FOXP2: variants seen among roughly 807,000 people sequenced by gnomAD.
FOXP2 encodes the protein forkhead box P2.
A neutral mutation model predicts 115.8 loss-of-function variants in FOXP2; 12 were observed. That is an observed-to-expected ratio of 0.10 (90% CI 0.07 to 0.17). FOXP2 has a LOEUF of 0.17. Among genes scored for constraint, FOXP2 ranks in the 10% least tolerant of loss-of-function variants. FOXP2 has a pLI of 1.00. For missense variants in FOXP2, 629 were observed against 843.5 expected (o/e 0.75, Z 3.15); for synonymous variants, 328 against 297.7 (o/e 1.10, Z -1.05).
chr7:114,213,907 A>T (rs1263360992), intron 1 of FOXP2, among the ~76,000 whole-genome samples: 1 of 152,222 alleles, frequency 6.6e-6, no homozygotes, highest in Admixed American at 6.5e-5. Flanking sequence ...CAGATTTAGT[A>T]AAGATATGCT....
intron 2 of FOXP2, among the ~76,000 whole-genome samples, chr7:114,385,669 A>T (rs529858515): frequency 2.6e-5 from 4 of 152,348 alleles, no homozygotes; most frequent in African/African-American, 9.6e-5. Flanking sequence ...ACTGGCCAAC[A>T]GATGCCCAGT....
intron 6 of FOXP2, among the ~76,000 whole-genome samples, chr7:114,641,712 A>G (rs1015404124): frequency 6.6e-6 from 1 of 151,990 alleles, no homozygotes; most frequent in African/African-American, 2.4e-5. Context: ...TGATTTAAAA[A>G]CAAACCTTAA....
chr7:114,168,229 A>G (rs1205098193), intron 1 of FOXP2, among the ~76,000 whole-genome samples: 1 of 152,234 alleles, frequency 6.6e-6, no homozygotes. Flanking sequence ...ACTGGGTAAC[A>G]GGCAGAGGTT....
At chr7:114,385,282 A>G (rs1169238740) in intron 2 of FOXP2, among the ~76,000 whole-genome samples, 1 of 152,100 alleles carries the variant, frequency 6.6e-6, no homozygotes, top group East Asian at 1.9e-4. Flanking sequence ...GAAAGTCTGA[A>G]CCATTAGTAC....
intron 2 of FOXP2, among the ~76,000 whole-genome samples, chr7:114,301,149 G>A (rs1796870521): frequency 6.6e-6 from 1 of 151,918 alleles, no homozygotes; most frequent in South Asian, 2.1e-4. Context: ...AATTTTAACA[G>A]CCAAAAAGAG....
chr7:114,245,079 T>C (rs888586532), intron 1 of FOXP2, among the ~76,000 whole-genome samples: 1 of 152,230 alleles, frequency 6.6e-6, no homozygotes. Flanking sequence ...TTTCTTTATA[T>C]ATACATTCTA....
intron 3 of FOXP2, among the ~76,000 whole-genome samples, chr7:114,606,547 A>G (rs1381207361): frequency 6.6e-6 from 1 of 152,192 alleles, no homozygotes; most frequent in Admixed American, 6.5e-5. Flanking sequence ...AACTTTATAT[A>G]ACTAGTTTTT....
At chr7:114,258,072 G>C (rs1008048400) in intron 1 of FOXP2, among the ~76,000 whole-genome samples, 1 of 152,150 alleles carries the variant, frequency 6.6e-6, no homozygotes, top group East Asian at 1.9e-4. Context: ...TCTTGTTTCT[G>C]TTTTAACATA....
intron 2 of FOXP2, among the ~76,000 whole-genome samples, chr7:114,480,308 AT>A (rs1330345473): frequency 6.6e-6 from 1 of 151,568 alleles, no homozygotes; most frequent in African/African-American, 2.4e-5. Flanking sequence ...ATCCAATTAC[AT>A]TTTTAAAGAG....
intron 2 of FOXP2, among the ~76,000 whole-genome samples, chr7:114,473,484 G>A (rs1330835612): frequency 6.6e-6 from 1 of 152,146 alleles, no homozygotes; most frequent in African/African-American, 2.4e-5. Flanking sequence ...GTGTAAGTAT[G>A]GTAGATTCAA....
chr7:114,328,788 A>G (rs999597342), intron 2 of FOXP2, among the ~76,000 whole-genome samples: 2 of 152,190 alleles, frequency 1.3e-5, no homozygotes, highest in African/African-American at 4.8e-5. Context: ...ACTGCCCATT[A>G]AAGTCCATAT....
At chr7:114,226,741 T>A (rs1444409539) in intron 1 of FOXP2, among the ~76,000 whole-genome samples, 1 of 152,154 alleles carries the variant, frequency 6.6e-6, no homozygotes, top group African/African-American at 2.4e-5. Context: ...ATATCATTAT[T>A]ATGTCTTTCT....
At chr7:114,635,434 G>GA (rs949813494) in intron 6 of FOXP2, among the ~76,000 whole-genome samples, 3 of 152,040 alleles carry the variant, frequency 2.0e-5, no homozygotes, top group Admixed American at 6.6e-5. Flanking sequence ...GTAACTTGGG[G>GA]AAAAAATCTT....
chr7:114,609,401 C>T lies in FOXP2; in HGVS notation c.259-19139C>T, dbSNP rs189333367. 4.6e-5 allele frequency among the ~76,000 whole-genome samples: 7 copies of T among 152,068 alleles called. No homozygotes were observed. The East Asian group carries it at 1.4e-3, about 29-fold the overall frequency. ...AAAACATTTAAAAAACTCCTACTGT[C>T]AATTATAAGTGTATAAAGAAATGAG... On this transcript the variant is annotated intron_variant, in intron 3 of 16. Coordinates refer to ENST00000350908, the MANE Select transcript of FOXP2 (RefSeq NM_014491.4).
intron 2 of FOXP2, among the ~76,000 whole-genome samples, chr7:114,359,381 A>C (rs1791692068): frequency 6.6e-6 from 1 of 152,228 alleles, no homozygotes; most frequent in South Asian, 2.1e-4. Context: ...GGAGCACAAA[A>C]GGGAAATGTG....
At chr7:114,335,743 G>A (rs1419831745) in intron 2 of FOXP2, among the ~76,000 whole-genome samples, 2 of 151,736 alleles carry the variant, frequency 1.3e-5, no homozygotes, top group African/African-American at 2.4e-5. Context: ...AAATGTAAAT[G>A]TTAAATGGTG....
chr7:114,438,305 G>A (rs1794442751), intron 2 of FOXP2, among the ~76,000 whole-genome samples: 1 of 152,032 alleles, frequency 6.6e-6, no homozygotes, highest in Non-Finnish European at 1.5e-5. Flanking sequence ...CAATTCAAGT[G>A]TTTTGTTAAT....
chr7:114,425,177 C>A (rs1431670589), intron 1 of FOXP2, among the ~76,000 whole-genome samples: 2 of 151,306 alleles, frequency 1.3e-5, no homozygotes, highest in African/African-American at 4.8e-5. Context: ...ATAATAAATG[C>A]CTTTCAAAAT....
intron 2 of FOXP2, among the ~76,000 whole-genome samples, chr7:114,385,409 C>T (rs1044109389): frequency 2.0e-5 from 3 of 152,268 alleles, no homozygotes; most frequent in African/African-American, 4.8e-5. Flanking sequence ...AAGGTAGGGG[C>T]GCACACATGG....
Sources: allele counts gnomAD v4.1 joint callset (sites outside exome capture counted in the v4.1 genomes callset), GRCh38; gene constraint gnomAD v4.1.1; transcripts MANE v1.5; gene names NCBI Gene and HGNC (gene_info 2026-07-23, HGNC 2026-07-21).